Variants in IGSF21 observed in about 807,000 individuals in gnomAD.
IGSF21 encodes immunoglobulin superfamily member 21.
A neutral mutation model predicts 46.8 loss-of-function variants in IGSF21; 28 were observed. The ratio of observed to expected loss-of-function variants is 0.60; its 90% CI spans 0.44 to 0.82. IGSF21 has a LOEUF of 0.82. Among genes scored for constraint, IGSF21 ranks in the 40% least tolerant of loss-of-function variants. IGSF21 has a pLI of 0.00. For synonymous variants in IGSF21, 284 were observed against 273.6 expected (o/e 1.04, Z -0.38); for missense variants, 624 against 665.5 (o/e 0.94, Z 0.69).
intron 6 of IGSF21, among the ~76,000 whole-genome samples, chr1:18,367,936 C>G (rs982224275): frequency 6.6e-6 from 1 of 151,994 alleles, no homozygotes. Context: ...CCTGCCCATA[C>G]AGAAACTAAA....
intron 1 of IGSF21, among the ~76,000 whole-genome samples, chr1:18,172,383 T>A (rs2124460128): frequency 6.6e-6 from 1 of 152,338 alleles, no homozygotes; most frequent in South Asian, 2.1e-4. Context: ...TGTCTTAGTC[T>A]GCTGTGGCTG....
intron 2 of IGSF21, among the ~76,000 whole-genome samples, chr1:18,275,007 A>G (rs948243485): frequency 4.0e-5 from 6 of 151,592 alleles, no homozygotes; most frequent in African/African-American, 1.5e-4. Context: ...AGCCTGGGTG[A>G]TAGAGTAAGA....
At chr1:18,309,561 C>T (rs945092112) in intron 3 of IGSF21, among the ~76,000 whole-genome samples, 6 of 152,154 alleles carry the variant, frequency 3.9e-5, no homozygotes, top group African/African-American at 1.4e-4. Flanking sequence ...TCAGGAGAAC[C>T]CCACATCTGT....
chr1:18,132,309 C>G (rs1182418693), intron 1 of IGSF21, among the ~76,000 whole-genome samples: 1 of 152,170 alleles, frequency 6.6e-6, no homozygotes, highest in Admixed American at 6.5e-5. Flanking sequence ...TAGATTTGAC[C>G]CATAGATTTC....
intron 4 of IGSF21, among the ~76,000 whole-genome samples, chr1:18,336,910 A>G (rs2085773883): frequency 6.6e-6 from 1 of 152,220 alleles, no homozygotes; most frequent in African/African-American, 2.4e-5. Context: ...GAACTTGTGC[A>G]GGGAAACTCC....
chr1:18,351,555 T>C (rs1054893453), intron 4 of IGSF21, among the ~76,000 whole-genome samples: 3 of 152,172 alleles, frequency 2.0e-5, no homozygotes, highest in African/African-American at 7.2e-5. Flanking sequence ...CACTGCTCTC[T>C]GGGGGGAGGA....
At chr1:18,123,004 G>T (rs369257794) in intron 1 of IGSF21, among the ~76,000 whole-genome samples, 1 of 152,260 alleles carries the variant, frequency 6.6e-6, no homozygotes, top group South Asian at 2.1e-4. Context: ...TACCATCTTA[G>T]CATCAGCCTG....
chr1:18,234,776 G>C (rs1338725847), intron 2 of IGSF21, among the ~76,000 whole-genome samples: 1 of 151,852 alleles, frequency 6.6e-6, no homozygotes, highest in Admixed American at 6.6e-5. Context: ...TCACGAACTT[G>C]GGAACCACAG....
intron 3 of IGSF21, among the ~76,000 whole-genome samples, chr1:18,308,584 G>A (rs1274403299): frequency 6.6e-6 from 1 of 152,176 alleles, no homozygotes; most frequent in Admixed American, 6.5e-5. Context: ...TTAAAAAACT[G>A]AGGCCCAGAC....
intron 2 of IGSF21, among the ~76,000 whole-genome samples, chr1:18,261,943 G>A (rs2084950850): frequency 6.6e-6 from 1 of 152,208 alleles, no homozygotes; most frequent in African/African-American, 2.4e-5. Flanking sequence ...CTGGGCAGGT[G>A]GGGCTCAGCT....
chr1:18,331,169 G>A (rs2085708895), intron 3 of IGSF21, among the ~76,000 whole-genome samples: 1 of 152,034 alleles, frequency 6.6e-6, no homozygotes, highest in African/African-American at 2.4e-5. Flanking sequence ...GGTTACATAA[G>A]TTCTTTAGTG....
chr1:18,353,378 C>G (rs1005076576), intron 4 of IGSF21, among the ~76,000 whole-genome samples: 1 of 152,008 alleles, frequency 6.6e-6, no homozygotes, highest in Admixed American at 6.6e-5. Context: ...GGGCCCTTCC[C>G]TCCAATCCAT....
Position 18,240,656 on chromosome 1 carries a change from G to T in IGSF21, c.183+12646G>T, listed in dbSNP as rs113998226. Among the ~76,000 whole-genome samples the T allele has an allele frequency of 3.0e-3, 458 of 152,342 alleles. 6 individuals carry two copies. The highest frequency in any genetic ancestry group is 0.011 in the African/African-American group (442 of 41,576). Reference sequence around the variant, plus strand: ...ATGGATATCTTATGTGGCCCTGAGGGTCACAGAGGTAAACTTGTAGTTGAT... The same window carrying T: ...ATGGATATCTTATGTGGCCCTGAGGTTCACAGAGGTAAACTTGTAGTTGAT... On this transcript the variant is annotated intron_variant, in intron 2 of 9. Transcript: ENST00000251296.
At chr1:18,285,495 G>A (rs1036294760) in intron 2 of IGSF21, among the ~76,000 whole-genome samples, 14 of 152,098 alleles carry the variant, frequency 9.2e-5, no homozygotes, top group South Asian at 2.1e-4. Context: ...AGAACACTGC[G>A]GGCATTCAGG....
rs912012989 is a variant in IGSF21 at position 18,246,419 on chromosome 1, C to T, written c.183+18409C>T. ...ATCTGACAGCCCTATGAGCGTGTAT[C>T]TTGTAATCTCCCTTCACCTAACACA... On this transcript the variant is annotated intron_variant, in intron 2 of 9. Transcript: ENST00000251296. Among the ~76,000 whole-genome samples the T allele has an allele frequency of 1.3e-4, 20 of 152,184 alleles. No individual in the cohort carries two copies. In the South Asian group the frequency reaches 2.1e-3, roughly 16 times the overall value.
At chr1:18,311,839 C>T (rs554711245) in intron 3 of IGSF21, among the ~76,000 whole-genome samples, 9 of 152,236 alleles carry the variant, frequency 5.9e-5, no homozygotes, top group African/African-American at 1.7e-4. Context: ...GGGGAATAGC[C>T]CCCATGATTC....
At chr1:18,252,364 T>A (rs2084851658) in intron 2 of IGSF21, among the ~76,000 whole-genome samples, 1 of 152,180 alleles carries the variant, frequency 6.6e-6, no homozygotes, top group Admixed American at 6.5e-5. Flanking sequence ...AAGGCTTTTT[T>A]AAAGACATGC....
chr1:18,192,553 C>A lies in IGSF21; in HGVS notation c.71-35345C>A, dbSNP rs142551406. Among the ~76,000 whole-genome samples, 434 of 152,322 alleles carry A rather than the reference C, an allele frequency of 2.8e-3. 2 individuals are homozygous for A. Among genetic ancestry groups the A allele is most frequent in the African/African-American group, 9.8e-3 (406 of 41,578 alleles). On this transcript the variant is annotated intron_variant, in intron 1 of 9. Coordinates refer to ENST00000251296, the MANE Select transcript of IGSF21 (RefSeq NM_032880.5). The stretch of plus-strand genomic sequence containing the variant: ...TCACTGGGACCCATAGAGGGTAAGG[C>A]CATTGCCAGGCTTGCAGCTGGGCAT...
intron 2 of IGSF21, among the ~76,000 whole-genome samples, chr1:18,242,587 A>T (rs2084742547): frequency 6.6e-6 from 1 of 152,230 alleles, no homozygotes; most frequent in South Asian, 2.1e-4. Context: ...CACATTAATT[A>T]TATGGGAGCA....
Sources: allele counts gnomAD v4.1 joint callset (sites outside exome capture counted in the v4.1 genomes callset), GRCh38; gene constraint gnomAD v4.1.1; transcripts MANE v1.5; gene names NCBI Gene and HGNC (gene_info 2026-07-23, HGNC 2026-07-21).